The following ST3GAL3 variants were observed in gnomAD, a reference collection of about 807,000 sequenced individuals.
The protein encoded by ST3GAL3 is CMP-N-acetylneuraminate-beta-1,4-galactoside alpha-2,3-sialyltransferase.
ST3GAL3 carries 21 observed loss-of-function variants against 50.1 expected under a neutral mutation model. The observed-to-expected ratio is 0.42, with a 90% CI of 0.30 to 0.60. ST3GAL3 has a LOEUF of 0.60. Among genes scored for constraint, ST3GAL3 ranks in the 20% least tolerant of loss-of-function variants. The pLI is 0.19. For missense variants in ST3GAL3, 353 were observed against 489.4 expected (o/e 0.72, Z 2.63); for synonymous variants, 183 against 190.0 (o/e 0.96, Z 0.30).
intron 5 of ST3GAL3, among the ~76,000 whole-genome samples, chr1:43,882,979 A>ATTTATTTATTTATTTATTTTT (rs11270209): frequency 6.5e-5 from 9 of 139,066 alleles, no homozygotes; most frequent in Admixed American, 2.1e-4. Context: ...TTATTTATTT[A>ATTTATTTATTTATTTATTTTT]GAGACAGGCT....
At chr1:43,721,350 G>A (rs1356623286) in intron 1 of ST3GAL3, among the ~76,000 whole-genome samples, 1 of 145,142 alleles carries the variant, frequency 6.9e-6, no homozygotes, top group Non-Finnish European at 1.5e-5. Flanking sequence ...TGTTGCCCAG[G>A]CTGGAGTGCA....
chr1:43,910,605 GGAGT>G (rs1438158730), intron 9 of ST3GAL3, among the ~76,000 whole-genome samples: 1 of 152,230 alleles, frequency 6.6e-6, no homozygotes, highest in Non-Finnish European at 1.5e-5. Context: ...CACAGGATAA[GGAGT>G]GAGAGTGTTG....
intron 1 of ST3GAL3, among the ~76,000 whole-genome samples, chr1:43,721,285 A>G (rs979751382): frequency 6.8e-6 from 1 of 147,116 alleles, no homozygotes; most frequent in African/African-American, 2.5e-5. Context: ...TGAAGTACCT[A>G]TAATTAAACC....
chr1:43,880,154 T>C (rs1230298374), intron 5 of ST3GAL3, among the ~76,000 whole-genome samples: 2 of 152,202 alleles, frequency 1.3e-5, no homozygotes, highest in African/African-American at 4.8e-5. Context: ...TGCTGTGTAC[T>C]TGGCTGAGAG....
rs1390478140 is a variant in ST3GAL3 at position 43,707,575 on chromosome 1, C to G, written c.-149C>G. The G allele has an allele frequency of 6.6e-6, 1 of 151,856 alleles. No individual in the cohort carries two copies. Among genetic ancestry groups the G allele is most frequent in the East Asian group, 1.9e-4 (1 of 5,174 alleles). 9.4% of individuals were successfully genotyped at this position (151,856 alleles called of 1,614,324 possible). A position where few individuals can be genotyped will look rare whatever the true frequency, so the allele number is the denominator to read the frequency against. On this transcript the variant is annotated 5_prime_UTR_variant, in exon 1 of 12. Coordinates refer to ENST00000347631, the MANE Select transcript of ST3GAL3 (RefSeq NM_006279.5). Reference sequence around the variant, plus strand: ...ATGGCGGCGCCCATGCAGCCCAGCGCGTTGTGGGCTCCCGCCGGGGTCCCC... The same window carrying G: ...ATGGCGGCGCCCATGCAGCCCAGCGGGTTGTGGGCTCCCGCCGGGGTCCCC...
rs557402502 is a variant in ST3GAL3 at position 43,901,500 on chromosome 1, A to G, written c.744+1773A>G. On this transcript the variant is annotated intron_variant, in intron 9 of 11. Transcript: ENST00000347631. ...AAGAACACCAATGTCAGTTAATTCA[A>G]GGTTCTTAAAATTCATCCAAGGGAG... Among the ~76,000 whole-genome samples the G allele has an allele frequency of 2.6e-5, 4 of 152,372 alleles. No individual in the cohort carries two copies. In the East Asian group the frequency reaches 5.8e-4, roughly 22 times the overall value.
chr1:43,750,078 A>AT (rs1253723988), intron 2 of ST3GAL3, among the ~76,000 whole-genome samples: 2 of 152,210 alleles, frequency 1.3e-5, no homozygotes, highest in East Asian at 3.8e-4. Flanking sequence ...CACAGAGTGG[A>AT]TTAAGACACA....
intron 1 of ST3GAL3, among the ~76,000 whole-genome samples, chr1:43,724,706 A>G (rs1279522419): frequency 6.6e-6 from 1 of 152,222 alleles, no homozygotes; most frequent in Non-Finnish European, 1.5e-5. Context: ...GTCATGGTGT[A>G]GGGCTGTGAT....
Position 43,894,803 on chromosome 1 carries a change from C to T in ST3GAL3, c.397+326C>T, listed in dbSNP as rs569086719. ...CACCACCATGCCTGGCTTATTTTTT[C>T]TTCGTATTTTTAGTAGAGACAGGGT... On this transcript the variant is annotated intron_variant, in intron 6 of 11. Transcript: ENST00000347631. 2.0e-5 allele frequency among the ~76,000 whole-genome samples: 3 copies of T among 151,854 alleles called. No homozygotes were observed. The East Asian group carries it at 5.8e-4, about 29-fold the overall frequency.
At chr1:43,798,317 A>G (rs1573043039) in intron 3 of ST3GAL3, among the ~76,000 whole-genome samples, 1 of 152,154 alleles carries the variant, frequency 6.6e-6, no homozygotes. Context: ...TCTTCCAGAA[A>G]CCTAAATCGG....
intron 11 of ST3GAL3, among the ~76,000 whole-genome samples, chr1:43,923,579 C>T (rs1173060645): frequency 2.6e-5 from 4 of 152,148 alleles, no homozygotes; most frequent in African/African-American, 9.7e-5. Flanking sequence ...TTCTTGCTTT[C>T]CTCATATGAT....
chr1:43,800,069 C>T (rs528856317), intron 3 of ST3GAL3, among the ~76,000 whole-genome samples: 60 of 152,194 alleles, frequency 3.9e-4, no homozygotes, highest in African/African-American at 1.4e-3. Context: ...GTCATGCTCC[C>T]TTGGCCCCCA....
rs372694400 is a variant in ST3GAL3, at chr1:43,898,249, G to A, written c.412G>A (p.Ala138Thr). 8.7e-6 allele frequency: 14 copies of A among 1,613,764 alleles called. 1 individual carries two copies. The African/African-American group carries it at 1.9e-4, about 22-fold the overall frequency. ...TCTGTCTGCAGACAATCTGATCAAAGCCATCTTGTCAGTCACCAAAGAGTA... is the reference window on the plus strand; with the variant it reads ...TCTGTCTGCAGACAATCTGATCAAAACCATCTTGTCAGTCACCAAAGAGTA... ...GIKGQDNLIK[A>T]ILSVTKEYRL... Residue 138 changes from alanine to threonine, a missense_variant, in exon 7 of 12, where the codon GCC becomes ACC. Coordinates refer to ENST00000347631, the MANE Select transcript of ST3GAL3 (RefSeq NM_006279.5).
rs1320390539 is a variant in ST3GAL3 at position 43,899,915 on chromosome 1, C to T, written c.744+188C>T. On this transcript the variant is annotated intron_variant, in intron 9 of 11. Transcript: ENST00000347631. This position sits in a 1 kb window ranked among gnomAD's most constrained non-coding sequence, Gnocchi z 5.4. ...GTCAGGAGATTGCCCGGGTTACTGG[C>T]CAAACTCCAGGAGCCAATATGCCTG... Among the ~76,000 whole-genome samples, 2 of 152,148 alleles carry T rather than the reference C, an allele frequency of 1.3e-5. 1 individual carries two copies. The highest frequency in any genetic ancestry group is 4.2e-4 in the South Asian group (2 of 4,816).
Position 43,718,095 on chromosome 1 carries a change from A to T in ST3GAL3, c.-31+10402A>T, listed in dbSNP as rs182574721. 2.1e-3 allele frequency among the ~76,000 whole-genome samples: 319 copies of T among 148,492 alleles called. 1 individual carries two copies. Among genetic ancestry groups the T allele is most frequent in the Middle Eastern group, 3.6e-3 (1 of 278 alleles). ...TCCATGTTGATCAGGCTGGTCTTGA[A>T]CTCTTGACCTCAGGTGATCTGCCTG... is the stretch of plus-strand genomic sequence containing the variant. On this transcript the variant is annotated intron_variant, in intron 1 of 11. Coordinates refer to ENST00000347631, the MANE Select transcript of ST3GAL3 (RefSeq NM_006279.5).
intron 7 of ST3GAL3, among the ~76,000 whole-genome samples, chr1:43,898,630 C>T (rs528196855): frequency 2.0e-5 from 3 of 152,234 alleles, no homozygotes; most frequent in Admixed American, 1.3e-4. Flanking sequence ...AGGCTTAAGT[C>T]CAGAAGGCAG....
At chr1:43,784,426 T>C (rs1002507494) in intron 2 of ST3GAL3, among the ~76,000 whole-genome samples, 1 of 152,140 alleles carries the variant, frequency 6.6e-6, no homozygotes, top group Non-Finnish European at 1.5e-5. Flanking sequence ...GGAGAATCGC[T>C]TGAACCTGGG....
At chr1:43,889,209 C>T (rs2076376218) in intron 5 of ST3GAL3, among the ~76,000 whole-genome samples, 2 of 151,050 alleles carry the variant, frequency 1.3e-5, no homozygotes, top group African/African-American at 2.4e-5. Flanking sequence ...GGAATACACA[C>T]ACACACACAC....
At chr1:43,776,181 A>T (rs1697160654) in intron 2 of ST3GAL3, among the ~76,000 whole-genome samples, 1 of 152,192 alleles carries the variant, frequency 6.6e-6, no homozygotes, top group Admixed American at 6.5e-5. Context: ...CCCAAAAAGA[A>T]ATCCTGCAGC....
Sources: allele counts gnomAD v4.1 joint callset (sites outside exome capture counted in the v4.1 genomes callset), GRCh38; gene constraint gnomAD v4.1.1; non-coding constraint Gnocchi (gnomAD v3.1); transcripts MANE v1.5; gene names NCBI Gene and HGNC (gene_info 2026-07-23, HGNC 2026-07-21).